The following PTGER3 variants were observed in gnomAD, a reference collection of about 807,000 sequenced individuals.
PTGER3 encodes the protein prostaglandin E receptor 3.
In PTGER3, 22 loss-of-function variants were observed where a neutral mutation model predicts 34.7. The ratio of observed to expected loss-of-function variants is 0.63; its 90% CI spans 0.45 to 0.91. PTGER3 has a LOEUF of 0.91. Ranked by LOEUF, PTGER3 falls within the 40% of genes least tolerant of loss-of-function variation. The probability of loss-of-function intolerance (pLI) is 0.00; values close to 1 mark genes in which losing one functional copy is unlikely to be tolerated. For missense variants in PTGER3, 468 were observed against 519.4 expected (o/e 0.90, Z 0.96); for synonymous variants, 241 against 230.1 (o/e 1.05, Z -0.43).
At chr1:71,008,119 C>T (rs926798302) in intron 2 of PTGER3, 1 of 980,386 alleles carries the variant, frequency 1.0e-6, no homozygotes, top group Non-Finnish European at 1.2e-6. Flanking sequence ...CTGTTACTTT[C>T]TTTCTGTGAA....
At chr1:70,908,132 T>C (rs1046661120) in intron 4 of PTGER3, among the ~76,000 whole-genome samples, 4 of 152,126 alleles carry the variant, frequency 2.6e-5, no homozygotes, top group African/African-American at 7.2e-5. Context: ...CCGAAAGTGT[T>C]GGAAATGAGT....
At chr1:70,939,704 C>T (rs962199750) in intron 4 of PTGER3, among the ~76,000 whole-genome samples, 5 of 152,246 alleles carry the variant, frequency 3.3e-5, no homozygotes, top group Admixed American at 2.6e-4. Flanking sequence ...TGTACATTGG[C>T]CCCTTTTATC....
intron 4 of PTGER3, among the ~76,000 whole-genome samples, chr1:70,868,564 C>T (rs1646095100): frequency 6.6e-6 from 1 of 152,070 alleles, no homozygotes; most frequent in South Asian, 2.1e-4. Context: ...AGATCACAGC[C>T]ACTAAGATTT....
intron 4 of PTGER3, among the ~76,000 whole-genome samples, chr1:70,873,709 A>ACTAT (rs1646214360): frequency 1.4e-5 from 2 of 148,066 alleles, no homozygotes; most frequent in Non-Finnish European, 3.0e-5. Flanking sequence ...GTGCAATGGC[A>ACTAT]CTATCTCGGC....
intron 4 of PTGER3, among the ~76,000 whole-genome samples, chr1:70,865,489 G>A (rs1243821421): frequency 2.0e-5 from 3 of 152,168 alleles, no homozygotes; most frequent in Non-Finnish European, 4.4e-5. Flanking sequence ...AACTTGGAGA[G>A]TCACTGGATG....
Position 71,047,513 on chromosome 1 carries a change from G to C in PTGER3, c.65C>G (p.Thr22Arg), listed in dbSNP as rs1356378288. 6.2e-7 allele frequency: 1 copy of C among 1,600,502 alleles called. No individual in the cohort carries two copies. The highest frequency in any genetic ancestry group is 1.3e-5 in the African/African-American group (1 of 74,862). Residue 22 changes from threonine to arginine, a missense_variant, in exon 1 of 4, where the codon ACA becomes AGA. Thr to Arg is a moderately conservative substitution (Grantham distance 71). Coordinates refer to ENST00000306666, the MANE Select transcript of PTGER3 (RefSeq NM_198719.2). ...GGAACGCTCGGGCGCCCACATGCCT[G>C]TGTAGGAGTGGTTGAGGCGGGTGCA... is the stretch of plus-strand genomic sequence containing the variant. ...PFCTRLNHSY[T>R]GMWAPERSAE...
chr1:71,024,078 C>G (rs1272066731), intron 1 of PTGER3, among the ~76,000 whole-genome samples: 6 of 149,656 alleles, frequency 4.0e-5, no homozygotes, highest in African/African-American at 1.5e-4. Context: ...AAATTCAAAG[C>G]TCCTCTTTAC....
intron 4 of PTGER3, among the ~76,000 whole-genome samples, chr1:70,903,239 C>A (rs1036092806): frequency 3.3e-5 from 5 of 152,132 alleles, no homozygotes; most frequent in African/African-American, 4.8e-5. Context: ...AGGGATGTGA[C>A]CCCCACTGTC....
chr1:70,967,668 A>G (rs1219312265), downstream of PTGER3, among the ~76,000 whole-genome samples: 1 of 152,168 alleles, frequency 6.6e-6, no homozygotes, highest in East Asian at 1.9e-4. Context: ...ACAGATCCTT[A>G]AGATACCTGC....
intron 4 of PTGER3, among the ~76,000 whole-genome samples, chr1:70,857,895 G>C (rs1161627191): frequency 2.0e-5 from 3 of 152,190 alleles, no homozygotes; most frequent in Non-Finnish European, 2.9e-5. Flanking sequence ...AATAGTAGTA[G>C]AAACATACTC....
At chr1:70,981,307 CCTTCCTTCCTTTCTT>C (rs1416374811) in intron 2 of PTGER3, among the ~76,000 whole-genome samples, 3 of 140,008 alleles carry the variant, frequency 2.1e-5, no homozygotes, top group African/African-American at 5.3e-5. Flanking sequence ...TTCCTTCCTT[CCTTCCTTCCTTTCTT>C]CTTTCTTTCT....
chr1:70,893,772 CAA>C (rs1646667779), intron 4 of PTGER3, among the ~76,000 whole-genome samples: 1 of 152,096 alleles, frequency 6.6e-6, no homozygotes, highest in Non-Finnish European at 1.5e-5. Context: ...GCAAATGTTC[CAA>C]AGTCTATTGC....
intron 4 of PTGER3, among the ~76,000 whole-genome samples, chr1:70,870,021 T>C (rs539295801): frequency 6.6e-6 from 1 of 152,326 alleles, no homozygotes; most frequent in African/African-American, 2.4e-5. Flanking sequence ...ACTACTTGAA[T>C]AGAGGTTCTC....
intron 4 of PTGER3, among the ~76,000 whole-genome samples, chr1:70,875,280 A>G (rs1354918529): frequency 1.3e-5 from 2 of 152,194 alleles, no homozygotes; most frequent in African/African-American, 4.8e-5. Flanking sequence ...GGGGTTTGAC[A>G]GGTTACTGTC....
At chr1:70,905,160 T>G (rs529111686) in intron 4 of PTGER3, among the ~76,000 whole-genome samples, 16 of 152,080 alleles carry the variant, frequency 1.1e-4, no homozygotes, top group South Asian at 4.1e-4. Context: ...GAATTGGGGT[T>G]TGTGAACCTC....
At chr1:70,857,512 T>A (rs1645833441) in intron 4 of PTGER3, among the ~76,000 whole-genome samples, 1 of 151,880 alleles carries the variant, frequency 6.6e-6, no homozygotes, top group East Asian at 1.9e-4. Flanking sequence ...CATGGATTTC[T>A]TGTGTTTGGA....
At chr1:70,935,607 A>G (rs1321727043) in intron 4 of PTGER3, among the ~76,000 whole-genome samples, 1 of 150,936 alleles carries the variant, frequency 6.6e-6, no homozygotes, top group Non-Finnish European at 1.5e-5. Flanking sequence ...TATTTTACAA[A>G]TAATTGGGAT....
At chr1:71,041,354 T>C (rs1473394048) in intron 1 of PTGER3, among the ~76,000 whole-genome samples, 1 of 152,204 alleles carries the variant, frequency 6.6e-6, no homozygotes, top group Non-Finnish European at 1.5e-5. Flanking sequence ...GAGCTGTGCA[T>C]GCATCACCAA....
chr1:71,010,419 G>T lies in PTGER3; in HGVS notation c.1077+1886C>A, dbSNP rs1257040496. ...CTGTCCTGGCAAACTTCTGCTCATT[G>T]ATTCACTGAATAAATATGTATTAGA... On this transcript the variant is annotated intron_variant, in intron 2 of 3. Transcript: ENST00000306666. 6.1e-6 allele frequency: 6 copies of T among 984,012 alleles called. No individual in the cohort carries two copies. In the African/African-American group the frequency reaches 8.8e-5, roughly 14 times the overall value. The allele number at this position is 984,012 out of a possible 1,614,324, so 61.0% of individuals were successfully genotyped here.
Sources: gnomAD v4.1 joint callset for allele counts (sites outside exome capture counted in the v4.1 genomes callset) on GRCh38, gnomAD v4.1.1 for gene constraint, MANE v1.5 for transcripts, NCBI Gene and HGNC (gene_info 2026-07-23, HGNC 2026-07-21) for gene names.